PRH1: variants seen among roughly 807,000 people sequenced by gnomAD.
PRH1 encodes salivary acidic proline-rich phosphoprotein 1/2.
A neutral mutation model predicts 7.9 loss-of-function variants in PRH1; 7 were observed. The ratio of observed to expected loss-of-function variants is 0.89; its 90% CI spans 0.50 to 1.67. The LOEUF is 1.67. Ranked by LOEUF, PRH1 falls within the 40% of genes most tolerant of loss-of-function variation. PRH1 has a pLI of 0.00. For synonymous variants in PRH1, 45 were observed against 80.8 expected (o/e 0.56, Z 2.38); for missense variants, 109 against 223.6 (o/e 0.49, Z 3.27).
intron 1 of PRH1, among the ~76,000 whole-genome samples, chr12:11,060,673 C>T (rs182081389): frequency 2.0e-5 from 3 of 152,032 alleles, no homozygotes; most frequent in African/African-American, 7.2e-5. Flanking sequence ...TATTCACATG[C>T]TTGTATTAAA....
chr12:10,941,935 C>T (rs889969007), intron 2 of PRH1, among the ~76,000 whole-genome samples: 1 of 152,112 alleles, frequency 6.6e-6, no homozygotes, highest in Admixed American at 6.6e-5. Context: ...AGTATTCTCC[C>T]TTTTTTCCTA....
At chr12:10,922,578 C>T (rs188986921) in intron 2 of PRH1, among the ~76,000 whole-genome samples, 1 of 152,086 alleles carries the variant, frequency 6.6e-6, no homozygotes, top group African/African-American at 2.4e-5. Context: ...TGTTTGTGTC[C>T]AGATTTCTGT....
intron 1 of PRH1, among the ~76,000 whole-genome samples, chr12:11,038,185 T>A (rs1392753848): frequency 6.6e-6 from 1 of 152,284 alleles, no homozygotes; most frequent in East Asian, 1.9e-4. Context: ...CTTAGAAATA[T>A]ACTTTATGTT....
chr12:11,117,264 C>G (rs1945757118), downstream of PRH1, among the ~76,000 whole-genome samples: 1 of 151,956 alleles, frequency 6.6e-6, no homozygotes, highest in South Asian at 2.1e-4. Context: ...TTTCTACATG[C>G]CAATAGTGAA....
In PRH1 at chr12:11,007,311, T is replaced by G. The variant is rs537892740; in HGVS notation, c.-125-33590A>C. Among the ~76,000 whole-genome samples, 7 of 152,132 alleles carry G rather than the reference T, an allele frequency of 4.6e-5. No homozygotes were observed. In the South Asian group the frequency reaches 1.5e-3, roughly 32 times the overall value. On this transcript the variant is annotated intron_variant, in intron 1 of 3. Transcript: ENST00000539853. ...AGCTCATAAACACAAAAACACACAC[T>G]TAAACCCATTGGGGTTGGAAGGAAT...
intron 1 of PRH1, among the ~76,000 whole-genome samples, chr12:11,086,193 T>C (rs1467424568): frequency 7.4e-6 from 1 of 135,784 alleles, no homozygotes; most frequent in East Asian, 2.0e-4. Context: ...ACTTGGGCTT[T>C]TCAGCGCATT....
chr12:10,998,270 A>G (rs1486784466), intron 1 of PRH1, among the ~76,000 whole-genome samples: 2 of 152,150 alleles, frequency 1.3e-5, no homozygotes, highest in Non-Finnish European at 1.5e-5. Context: ...ATTTGTGTTC[A>G]GCCCTTCAGT....
At position 10,916,433 on chromosome 12, in the gene PRH1, G is replaced by T. The variant is rs565956548; in HGVS notation, c.-58-32158C>A. Reference sequence around the variant, plus strand: ...CTTGAAGATTACACTTTTTTTCCTAGTTCTAAAATTACATCTTTTTTAATG... The same window carrying T: ...CTTGAAGATTACACTTTTTTTCCTATTTCTAAAATTACATCTTTTTTAATG... On this transcript the variant is annotated intron_variant, in intron 2 of 3. Coordinates refer to the PRH1 transcript ENST00000539853. Among the ~76,000 whole-genome samples, 3 of 152,096 alleles carry T rather than the reference G, an allele frequency of 2.0e-5. No individual in the cohort carries two copies. In the South Asian group the frequency reaches 6.2e-4, roughly 32 times the overall value.
At chr12:11,033,831 A>T (rs1253383662) in intron 1 of PRH1, among the ~76,000 whole-genome samples, 4 of 152,186 alleles carry the variant, frequency 2.6e-5, no homozygotes, top group Non-Finnish European at 5.9e-5. Context: ...TTAAAGTTAT[A>T]ATGCGCACTT....
chr12:11,147,006 C>T (rs35893804), intron 1 of PRH1, among the ~76,000 whole-genome samples: 69,161 of 151,950 alleles, frequency 0.46, 16,532 homozygotes, highest in Non-Finnish European at 0.53. Context: ...GAACTTACCT[C>T]CTTCTTTTTC....
chr12:11,017,429 T>C (rs1176868848), intron 1 of PRH1, among the ~76,000 whole-genome samples: 4 of 152,142 alleles, frequency 2.6e-5, no homozygotes, highest in African/African-American at 9.7e-5. Flanking sequence ...CCAACGCAGA[T>C]ATTGTTTTCA....
At chr12:10,943,316 T>C (rs780041347) in intron 2 of PRH1, among the ~76,000 whole-genome samples, 1 of 152,182 alleles carries the variant, frequency 6.6e-6, no homozygotes, top group African/African-American at 2.4e-5. Context: ...GATTTGGATT[T>C]CTCTAATGAT....
At chr12:10,957,559 T>G (rs1938033230) in intron 2 of PRH1, among the ~76,000 whole-genome samples, 1 of 151,862 alleles carries the variant, frequency 6.6e-6, no homozygotes, top group Non-Finnish European at 1.5e-5. Flanking sequence ...AAACAAAAAT[T>G]GAAAAGTGGA....
chr12:10,964,950 C>T, intron 2 of PRH1: 1 of 625,704 alleles, frequency 1.6e-6, no homozygotes, highest in African/African-American at 1.9e-5. Context: ...AACAAAGACC[C>T]CAATAGTATC....
At chr12:10,885,235 CA>C (rs1949473075), upstream of PRH1, among the ~76,000 whole-genome samples, 1 of 152,202 alleles carries the variant, frequency 6.6e-6, no homozygotes. Flanking sequence ...TGCTTTTACT[CA>C]GTAATTATGT....
At chr12:10,984,819 T>G (rs2135978352) in intron 1 of PRH1, among the ~76,000 whole-genome samples, 1 of 152,200 alleles carries the variant, frequency 6.6e-6, no homozygotes, top group South Asian at 2.1e-4. Flanking sequence ...TCTCATTGTA[T>G]TATTTGCAAC....
chr12:11,079,554 C>T lies in PRH1; in HGVS notation n.124-32366G>A, dbSNP rs1283046034. On this transcript the variant is annotated intron_variant and non_coding_transcript_variant, in intron 1 of 4. Transcript: ENST00000541977. ...ACATATGAGACACAAATATCTAAAG[C>T]AGTTTTGGAGGATTTTCTCTTGCAG... 4.1e-5 allele frequency among the ~76,000 whole-genome samples: 5 copies of T among 121,380 alleles called. 1 individual carries two copies. Among genetic ancestry groups the T allele is most frequent in the Non-Finnish European group, 7.8e-5 (4 of 51,572 alleles). 79.6% of individuals were successfully genotyped at this position (121,380 alleles called of 152,430 possible).
At chr12:11,057,966 A>C (rs1041047663) in intron 1 of PRH1, among the ~76,000 whole-genome samples, 1 of 152,236 alleles carries the variant, frequency 6.6e-6, no homozygotes, top group East Asian at 1.9e-4. Context: ...ATAATATTAC[A>C]GCCCGGGCCC....
chr12:11,049,766 T>C (rs1047698967), upstream of PRH1, among the ~76,000 whole-genome samples: 2 of 152,310 alleles, frequency 1.3e-5, no homozygotes, highest in East Asian at 1.9e-4. Context: ...ATATGGTTTG[T>C]TTAATACCAG....
Sources: gnomAD v4.1 joint callset for allele counts (sites outside exome capture counted in the v4.1 genomes callset) on GRCh38, gnomAD v4.1.1 for gene constraint, MANE v1.5 for transcripts, NCBI Gene and HGNC (gene_info 2026-07-23, HGNC 2026-07-21) for gene names.